The following TRAK2 variants were observed in gnomAD, a reference collection of about 807,000 sequenced individuals.
The protein encoded by TRAK2 is trafficking kinesin-binding protein 2.
Under a neutral mutation model 104.6 loss-of-function variants are expected in TRAK2, and 81 were observed. The ratio of observed to expected loss-of-function variants is 0.77; its 90% confidence interval spans 0.65 to 0.93. The LOEUF (loss-of-function observed/expected upper bound fraction) is 0.93, where lower values mean the gene tolerates loss of function less well. Ranked by LOEUF, TRAK2 falls within the 40% of genes least tolerant of loss-of-function variation. The probability of loss-of-function intolerance (pLI) is 0.00; values close to 1 mark genes in which losing one functional copy is unlikely to be tolerated. For synonymous variants in TRAK2, 406 were observed against 394.4 expected (o/e 1.03, Z -0.35); for missense variants, 1,002 against 1,089.0 (o/e 0.92, Z 1.12).
chr2:201,421,551 T>C (rs1184357323), intron 1 of TRAK2, among the ~76,000 whole-genome samples: 2 of 151,582 alleles, frequency 1.3e-5, no homozygotes, highest in East Asian at 3.9e-4. Flanking sequence ...CCAGACATTG[T>C]CAGATGTCCC....
chr2:201,394,757 T>C (rs1462474089), intron 9 of TRAK2, 41 bp downstream of exon 9: 1 of 1,505,514 alleles, frequency 6.6e-7, no homozygotes, highest in Admixed American at 1.7e-5. Flanking sequence ...AACTAGTCAC[T>C]CTTTCCCCTC....
intron 1 of TRAK2, among the ~76,000 whole-genome samples, chr2:201,438,103 C>A (rs1951892042): frequency 6.6e-6 from 1 of 152,138 alleles, no homozygotes; most frequent in Admixed American, 6.5e-5. Context: ...GAGGAGACAC[C>A]ACTACCCTGT....
At position 201,380,696 on chromosome 2, in the gene TRAK2, A is replaced by T; in HGVS notation, c.2592T>A (p.Gly864=). ...ENGRCQEAEI[G]PQKPDSAVYL... ...AAACAGCAGAATCTGGTTTTTGAGGACCAATTTCTGCCTCCTGGCATCTTC... is the reference window on the plus strand; with the variant it reads ...AAACAGCAGAATCTGGTTTTTGAGGTCCAATTTCTGCCTCCTGGCATCTTC... Residue 864 remains glycine (G), a synonymous_variant, in exon 16 of 16, where the codon GGT becomes GGA. Coordinates refer to ENST00000332624, the MANE Select transcript of TRAK2 (RefSeq NM_015049.3). 2 of 1,614,044 alleles carry T rather than the reference A, an allele frequency of 1.2e-6. No homozygotes were observed. Among genetic ancestry groups the T allele is most frequent in the Non-Finnish European group, 1.7e-6 (2 of 1,179,988 alleles).
intron 1 of TRAK2, among the ~76,000 whole-genome samples, chr2:201,436,934 C>A (rs753518112): frequency 6.6e-6 from 1 of 152,074 alleles, no homozygotes; most frequent in Non-Finnish European, 1.5e-5. Flanking sequence ...TAGATTTATT[C>A]TAGAATTATC....
chr2:201,389,165 G>A, intron 12 of TRAK2, 135 bp downstream of exon 12: 1 of 845,584 alleles, frequency 1.2e-6, no homozygotes, highest in Non-Finnish European at 1.9e-6. Context: ...ATGATACAAG[G>A]CATCATAAGT....
chr2:201,432,302 A>C (rs1653897162), intron 1 of TRAK2, among the ~76,000 whole-genome samples: 4 of 152,192 alleles, frequency 2.6e-5, no homozygotes. Flanking sequence ...ACTTTGGCAA[A>C]CACAAATGAC....
chr2:201,427,659 T>C lies in TRAK2; in HGVS notation c.-199-6953A>G, dbSNP rs572954593. ...ACGTGCATGTGTCTGTATAGCAGCA[T>C]GATTTATAATCCTTTGGGTATATAC... is the stretch of plus-strand genomic sequence containing the variant. On this transcript the variant is annotated intron_variant, in intron 1 of 15. Coordinates refer to ENST00000332624, the MANE Select transcript of TRAK2 (RefSeq NM_015049.3). Among the ~76,000 whole-genome samples, 3 of 152,340 alleles carry C rather than the reference T, an allele frequency of 2.0e-5. No homozygotes were observed. In the East Asian group the frequency reaches 5.8e-4, roughly 29 times the overall value.
intron 2 of TRAK2, chr2:201,410,396 A>G: frequency 1.9e-6 from 1 of 527,912 alleles, no homozygotes; most frequent in South Asian, 2.5e-5. Flanking sequence ...AGAAGTCCAT[A>G]CAACTACTAT....
At chr2:201,389,231 G>T in intron 12 of TRAK2, 69 bp downstream of exon 12, 1 of 1,408,948 alleles carries the variant, frequency 7.1e-7, no homozygotes, top group Non-Finnish European at 1.0e-6. Flanking sequence ...ATGCTGGAAT[G>T]TGCGTATGTG....
rs1276732340 is a variant in TRAK2, at chr2:201,387,689, T to C, written c.1696+14A>G. 1 of 1,571,204 alleles carries C rather than the reference T, an allele frequency of 6.4e-7. No individual in the cohort carries two copies. The highest frequency in any genetic ancestry group is 8.6e-7 in the Non-Finnish European group (1 of 1,157,520). On this transcript the variant is annotated intron_variant, in intron 13 of 15. Transcript: ENST00000332624. ...AGTCACATGGCTTAGTAAGGGCCCT[T>C]ACTGATTTATTACCTTCAAGGGGCT...
Position 201,395,330 on chromosome 2 carries a change from T to C in TRAK2, c.884A>G (p.Gln295Arg). 1 of 1,605,304 alleles carries C rather than the reference T, an allele frequency of 6.2e-7. No individual in the cohort carries two copies. Residue 295 changes from glutamine (Q) to arginine (R), a missense_variant, in exon 8 of 16, where the codon CAG becomes CGG. Coordinates refer to ENST00000332624, the MANE Select transcript of TRAK2 (RefSeq NM_015049.3). Reference sequence around the variant, plus strand: ...TAAACCTACTTCTTTAAGTTTGTGCTGAAGGTCTACAATCTGTGACAAAAG... The same window carrying C: ...TAAACCTACTTCTTTAAGTTTGTGCCGAAGGTCTACAATCTGTGACAAAAG... Reference protein sequence around the residue: ...SSLLSQIVDLQHKLKEHVIEK... With the variant: ...SSLLSQIVDLRHKLKEHVIEK...
intron 3 of TRAK2, among the ~76,000 whole-genome samples, chr2:201,404,181 T>C (rs1410513303): frequency 1.3e-5 from 2 of 152,176 alleles, no homozygotes; most frequent in Non-Finnish European, 2.9e-5. Context: ...CACAGACTAG[T>C]TCTTCACCAT....
intron 10 of TRAK2, among the ~76,000 whole-genome samples, chr2:201,391,043 C>T (rs2125643136): frequency 6.6e-6 from 1 of 152,090 alleles, no homozygotes; most frequent in East Asian, 1.9e-4. Context: ...GTCCTACCTG[C>T]TGAGAGGGAC....
At chr2:201,430,952 G>A (rs141332724) in intron 1 of TRAK2, among the ~76,000 whole-genome samples, 1 of 152,290 alleles carries the variant, frequency 6.6e-6, no homozygotes, top group Non-Finnish European at 1.5e-5. Context: ...TGGCCATCTT[G>A]GAACCCCTCC....
intron 2 of TRAK2, among the ~76,000 whole-genome samples, chr2:201,409,058 T>G (rs1576519692): frequency 1.3e-5 from 2 of 152,290 alleles, no homozygotes; most frequent in East Asian, 3.9e-4. Context: ...ATAAATTTAC[T>G]ATGGTACAGT....
intron 1 of TRAK2, chr2:201,423,488 G>A (rs1951760765): frequency 6.6e-6 from 1 of 152,118 alleles, no homozygotes. Flanking sequence ...ATTCCTTTTA[G>A]GATGATGAAA....
intron 10 of TRAK2, 114 bp from the exon 11 acceptor site, chr2:201,389,994 A>T (rs901817729): frequency 5.7e-6 from 4 of 705,430 alleles, no homozygotes; most frequent in Non-Finnish European, 6.9e-6. Flanking sequence ...GTCAAGGCTA[A>T]CATTCAGGGG....
chr2:201,383,847 C>T (rs922855911), intron 15 of TRAK2, among the ~76,000 whole-genome samples: 58 of 152,080 alleles, frequency 3.8e-4, no homozygotes, highest in African/African-American at 1.2e-3. Context: ...GCCCCAGCTG[C>T]GTTATTTATT....
intron 1 of TRAK2, among the ~76,000 whole-genome samples, chr2:201,422,049 C>CAAAA (rs71022367): frequency 2.2e-5 from 2 of 91,132 alleles, no homozygotes; most frequent in Non-Finnish European, 4.4e-5. Flanking sequence ...GACTCTGTCT[C>CAAAA]AAAAAAAAAA....
Sources: gnomAD v4.1 joint callset for allele counts (sites outside exome capture counted in the v4.1 genomes callset) on GRCh38, gnomAD v4.1.1 for gene constraint, MANE v1.5 for transcripts, NCBI Gene and HGNC (gene_info 2026-07-23, HGNC 2026-07-21) for gene names.